The following VDAC2 variants were observed in gnomAD, a reference collection of about 807,000 sequenced individuals.
VDAC2 encodes the protein voltage dependent anion channel 2.
VDAC2 carries 6 observed loss-of-function variants against 36.6 expected under a neutral mutation model. That is an observed-to-expected ratio of 0.16 (90% CI 0.09 to 0.32). The LOEUF is 0.32. VDAC2 is among the 10% of genes least tolerant of loss of function. The pLI, the probability that VDAC2 is intolerant of heterozygous loss-of-function variation, is 1.00. For missense variants in VDAC2, 247 were observed against 346.0 expected, an observed-to-expected ratio of 0.71 and a Z score of 2.27; for synonymous variants, 109 against 123.8, an observed-to-expected ratio of 0.88 and a Z score of 0.79.
Position 75,225,345 on chromosome 10 carries a change from T to C in VDAC2, c.735+2943T>C, listed in dbSNP as rs554425746. Among the ~76,000 whole-genome samples the C allele has an allele frequency of 3.3e-4, 50 of 152,310 alleles. No homozygotes were observed. In the South Asian group the frequency reaches 0.01, roughly 32 times the overall value. ...TTTAAAGAATTTATTTGCACCATAA[T>C]GAGGACAGCTGCCCAGCAGACTCAG... On this transcript the variant is annotated intron_variant, in intron 8 of 9. Coordinates refer to ENST00000332211, the MANE Select transcript of VDAC2 (RefSeq NM_001391963.1).
chr10:75,215,677 A>G (rs937263624), intron 4 of VDAC2, among the ~76,000 whole-genome samples: 2 of 150,302 alleles, frequency 1.3e-5, no homozygotes, highest in African/African-American at 2.4e-5. Flanking sequence ...GATGTAGTGC[A>G]TGTAACTGAT....
At position 75,219,118 on chromosome 10, in the gene VDAC2, T is replaced by C; in HGVS notation, c.206T>C (p.Leu69Ser). ...GACACTGGTAAAGTTACTGGGACCT[T>C]GGAGACCAAATACAAGTGGTGTGAG... ...NTDTGKVTGT[L>S]ETKYKWCEYG... The change falls in exon 5 of 10, where the codon TTG becomes TCG. Residue 69 changes from leucine (L) to serine (S), a missense_variant. Around this residue, in one of 3 missense-constraint regions of VDAC2, gnomAD observed 12 missense variants for 35.1 expected, o/e 0.34. Transcript: ENST00000332211. 1.2e-6 allele frequency: 2 copies of C among 1,613,200 alleles called. No homozygotes were observed. The highest frequency in any genetic ancestry group is 1.7e-6 in the Non-Finnish European group (2 of 1,179,776).
At chr10:75,211,280 A>G in intron 2 of VDAC2, 91 bp downstream of exon 2, 1 of 1,533,376 alleles carries the variant, frequency 6.5e-7, no homozygotes. Context: ...TATCTTTCCA[A>G]GAACTTGGAA....
At chr10:75,211,561 C>A (rs903378405) in intron 2 of VDAC2, 2 of 1,550,446 alleles carry the variant, frequency 1.3e-6, no homozygotes, top group Admixed American at 3.9e-5. Flanking sequence ...CTCCTAAGGG[C>A]GTGGACGTGC....
intron 8 of VDAC2, among the ~76,000 whole-genome samples, chr10:75,227,608 G>A (rs1461067301): frequency 1.0e-5 from 1 of 100,156 alleles, no homozygotes; most frequent in Non-Finnish European, 1.8e-5. Context: ...TGGAGACAGA[G>A]TCTCACTTTG....
In VDAC2 at chr10:75,211,487, G is replaced by A. The variant is rs987515044; in HGVS notation, c.31+298G>A. The A allele has an allele frequency of 3.9e-6, 6 of 1,530,620 alleles. No individual in the cohort carries two copies. In the African/African-American group the frequency reaches 5.5e-5, roughly 14 times the overall value. The allele number at this position is 1,530,620 out of a possible 1,614,324, so 94.8% of individuals were successfully genotyped here. ...TGGGGATTCTGCCTTTGGAGGATCG[G>A]ATCAATCACTTTTCTAGAGGAAGTA... On this transcript the variant is annotated intron_variant, in intron 2 of 9. Transcript: ENST00000332211.
At position 75,219,338 on chromosome 10, in the gene VDAC2, C is replaced by T. The variant is rs1035260355; in HGVS notation, c.338C>T (p.Thr113Ile). The T allele has an allele frequency of 1.6e-5, 25 of 1,599,992 alleles. No homozygotes were observed. Among genetic ancestry groups the T allele is most frequent in the Non-Finnish European group, 2.0e-5 (24 of 1,173,692 alleles). Residue 113 changes from threonine (T) to isoleucine (I), a missense_variant, in exon 6 of 10, where the codon ACC becomes ATC. By Grantham distance (89) the Thr-to-Ile change is moderately conservative. Coordinates refer to ENST00000332211, the MANE Select transcript of VDAC2 (RefSeq NM_001391963.1). ...GGTTTGAAACTGACATTTGATACTA[C>T]CTTCTCACCAAACACAGGGTAAGCA... ...CQGLKLTFDT[T>I]FSPNTGKKSG...
At chr10:75,211,934 G>T (rs1841436508) in intron 2 of VDAC2, among the ~76,000 whole-genome samples, 1 of 152,202 alleles carries the variant, frequency 6.6e-6, no homozygotes, top group Admixed American at 6.5e-5. Flanking sequence ...ATACTTGTTT[G>T]ATTCTTTGTA....
chr10:75,226,284 G>GTA (rs1298049114), intron 8 of VDAC2, among the ~76,000 whole-genome samples: 1 of 152,004 alleles, frequency 6.6e-6, no homozygotes, highest in Non-Finnish European at 1.5e-5. Flanking sequence ...ATACTATGGT[G>GTA]TATATATTTT....
At chr10:75,230,825 AAAG>A (rs1842079639) in intron 9 of VDAC2, 70 bp from the exon 10 acceptor site, 2 of 1,338,388 alleles carry the variant, frequency 1.5e-6, no homozygotes, top group East Asian at 2.5e-5. Flanking sequence ...GATGACTGTG[AAAG>A]AAGGCCCAGA....
intron 3 of VDAC2, among the ~76,000 whole-genome samples, chr10:75,212,916 T>C (rs1361599030): frequency 6.6e-6 from 1 of 152,118 alleles, no homozygotes; most frequent in African/African-American, 2.4e-5. Context: ...CTGTTTTGCT[T>C]TTGTGGTGAC....
Position 75,219,058 on chromosome 10 carries a change from G to A in VDAC2, c.151-5G>A. On this transcript the variant is annotated splice_polypyrimidine_tract_variant and splice_region_variant and intron_variant, in intron 4 of 9. Coordinates refer to ENST00000332211, the MANE Select transcript of VDAC2 (RefSeq NM_001391963.1). ...TGTTCATGAAGTTATTGATTGTCTT[G>A]TTAGGAATTTTCAACGTCCGGTTCA... The A allele has an allele frequency of 6.2e-7, 1 of 1,603,448 alleles. No homozygotes were observed. The highest frequency in any genetic ancestry group is 8.5e-7 in the Non-Finnish European group (1 of 1,176,952).
chr10:75,211,796 C>A, intron 2 of VDAC2: 1 of 1,139,988 alleles, frequency 8.8e-7, no homozygotes, highest in Non-Finnish European at 1.3e-6. Context: ...TTGGTTTTCC[C>A]CTCAGCGAAG....
At chr10:75,213,539 T>C (rs1841496344) in intron 3 of VDAC2, among the ~76,000 whole-genome samples, 3 of 151,978 alleles carry the variant, frequency 2.0e-5, no homozygotes, top group African/African-American at 7.2e-5. Context: ...GGTCAGGAGA[T>C]CGAGACCATC....
intron 9 of VDAC2, among the ~76,000 whole-genome samples, chr10:75,230,527 T>C (rs1313802370): frequency 6.6e-6 from 1 of 152,206 alleles, no homozygotes; most frequent in Non-Finnish European, 1.5e-5. Context: ...ACCAAATACA[T>C]ATTCAGATTT....
intron 7 of VDAC2, 123 bp from the exon 8 acceptor site, chr10:75,222,129 T>G (rs1472855415): frequency 1.9e-6 from 2 of 1,059,472 alleles, no homozygotes; most frequent in Admixed American, 3.1e-5. Context: ...AAGTTTTCAG[T>G]GGAACACTAA....
At chr10:75,218,760 C>CAA (rs60291807) in intron 4 of VDAC2, among the ~76,000 whole-genome samples, 2 of 131,908 alleles carry the variant, frequency 1.5e-5, no homozygotes, top group Admixed American at 7.7e-5. Context: ...GACTCTGTCT[C>CAA]AAAAAAAAAA....
rs566124902 is a variant in VDAC2 at position 75,218,017 on chromosome 10, G to A, written c.151-1046G>A. ...GTACGTGGATCACTTGAGCCTGGGA[G>A]GTTGAGGCTGCAGTCAGCTGTGATC... On this transcript the variant is annotated intron_variant, in intron 4 of 9. Coordinates refer to ENST00000332211, the MANE Select transcript of VDAC2 (RefSeq NM_001391963.1). 2.3e-5 allele frequency: 25 copies of A among 1,077,856 alleles called. No individual in the cohort carries two copies. In the South Asian group the frequency reaches 3.3e-4, roughly 14 times the overall value. 66.8% of individuals were successfully genotyped at this position (1,077,856 alleles called of 1,614,324 possible).
chr10:75,219,631 C>T (rs537384764), intron 6 of VDAC2, among the ~76,000 whole-genome samples: 53 of 151,872 alleles, frequency 3.5e-4, no homozygotes, highest in African/African-American at 1.3e-3. Flanking sequence ...ACTACAGGTG[C>T]GTGCCACCAC....
Sources: allele counts gnomAD v4.1 joint callset (sites outside exome capture counted in the v4.1 genomes callset), GRCh38; gene constraint gnomAD v4.1.1; regional missense constraint gnomAD v4.1.1; transcripts MANE v1.5; gene names NCBI Gene and HGNC (gene_info 2026-07-23, HGNC 2026-07-21).